TNFRSF11A: variants seen among roughly 807,000 people sequenced by gnomAD.
TNFRSF11A encodes tumor necrosis factor receptor superfamily member 11A.
TNFRSF11A carries 32 observed loss-of-function variants against 55.7 expected under a neutral mutation model. The observed-to-expected ratio is 0.57, with a 90% CI of 0.43 to 0.77. The LOEUF (loss-of-function observed/expected upper bound fraction) is 0.77. Among genes scored for constraint, TNFRSF11A ranks in the 30% least tolerant of loss-of-function variants. The pLI, the probability that TNFRSF11A is intolerant of heterozygous loss-of-function variation, is 0.00. For synonymous variants in TNFRSF11A, 311 were observed against 331.0 expected (o/e 0.94, Z 0.65); for missense variants, 753 against 809.8 (o/e 0.93, Z 0.85).
chr18:62,333,823 G>A (rs1202950465), intron 1 of TNFRSF11A, among the ~76,000 whole-genome samples: 2 of 152,052 alleles, frequency 1.3e-5, no homozygotes, highest in Non-Finnish European at 1.5e-5. Flanking sequence ...ATTTGTGGGG[G>A]TCTGTCTTGT....
chr18:62,385,161 T>C lies in TNFRSF11A; in HGVS notation c.*127T>C. 2 of 1,122,844 alleles carry C rather than the reference T, an allele frequency of 1.8e-6. No homozygotes were observed. Among genetic ancestry groups the C allele is most frequent in the Non-Finnish European group, 2.3e-6 (2 of 857,052 alleles). 69.6% of individuals were successfully genotyped at this position (1,122,844 alleles called of 1,614,324 possible). A position where few individuals can be genotyped will look rare whatever the true frequency, so the allele number is the denominator to read the frequency against. On this transcript the variant is annotated 3_prime_UTR_variant, in exon 10 of 10. Coordinates refer to ENST00000586569, the MANE Select transcript of TNFRSF11A (RefSeq NM_003839.4). ...AGTCGAGGAAGACCACCCGGCATTC[T>C]CTGCCCACTTTGCCTTCCAGGAAAT...
chr18:62,372,586 T>A (rs1172708964), intron 9 of TNFRSF11A, among the ~76,000 whole-genome samples: 1 of 152,144 alleles, frequency 6.6e-6, no homozygotes, highest in East Asian at 1.9e-4. Flanking sequence ...TGTATGATGC[T>A]GAGTTTTGGG....
intron 9 of TNFRSF11A, among the ~76,000 whole-genome samples, chr18:62,381,504 A>G (rs1368753216): frequency 1.3e-5 from 2 of 152,274 alleles, no homozygotes; most frequent in African/African-American, 4.8e-5. Context: ...ATTCAAAACC[A>G]TAAATCCATC....
rs1911454667 is a variant in TNFRSF11A at position 62,383,716 on chromosome 18, G to A, written c.1568-1035G>A. Among the ~76,000 whole-genome samples, 1 of 152,116 alleles carries A rather than the reference G, an allele frequency of 6.6e-6. No homozygotes were observed. Among genetic ancestry groups the A allele is most frequent in the Non-Finnish European group, 1.5e-5 (1 of 68,028 alleles). ...TCAAAAGGCCCGTTGCTGAAAGACT[G>A]GCCACATCTAGTCACCCACAAAGCA... On this transcript the variant is annotated intron_variant, in intron 9 of 9. Transcript: ENST00000586569. This position sits in a 1 kb window ranked among gnomAD's most constrained non-coding sequence, Gnocchi z 4.2.
At chr18:62,380,917 C>T (rs1282620957) in intron 9 of TNFRSF11A, among the ~76,000 whole-genome samples, 1 of 151,984 alleles carries the variant, frequency 6.6e-6, no homozygotes, top group Non-Finnish European at 1.5e-5. Flanking sequence ...ATCCTCCCAC[C>T]TCAGCCTCCC....
In TNFRSF11A at chr18:62,354,301, T is replaced by C. The variant is rs888873040; in HGVS notation, c.284-90T>C. On this transcript the variant is annotated intron_variant, in intron 3 of 9. Coordinates refer to ENST00000586569, the MANE Select transcript of TNFRSF11A (RefSeq NM_003839.4). The stretch of plus-strand genomic sequence containing the variant: ...AGGCCTGCCAGGCGGGCTGCTGCTC[T>C]GGGCTGGATGTTGGATAGCGCAGTC... 1.7e-5 allele frequency: 25 copies of C among 1,436,986 alleles called. No homozygotes were observed. In the South Asian group the frequency reaches 3.0e-4, roughly 17 times the overall value. 89.0% of individuals were successfully genotyped at this position (1,436,986 alleles called of 1,614,324 possible).
At chr18:62,371,856 A>G (rs972567665) in intron 9 of TNFRSF11A, among the ~76,000 whole-genome samples, 1 of 152,238 alleles carries the variant, frequency 6.6e-6, no homozygotes, top group South Asian at 2.1e-4. Flanking sequence ...GAGCAGTCCT[A>G]CAGAGGCCTT....
At chr18:62,339,403 A>G (rs2046280265) in intron 1 of TNFRSF11A, among the ~76,000 whole-genome samples, 1 of 152,124 alleles carries the variant, frequency 6.6e-6, no homozygotes, top group South Asian at 2.1e-4. Flanking sequence ...TTCCCTGCCC[A>G]TTCAAAGCCA....
At chr18:62,333,862 T>G (rs2046191292) in intron 1 of TNFRSF11A, among the ~76,000 whole-genome samples, 1 of 130,114 alleles carries the variant, frequency 7.7e-6, no homozygotes, top group Admixed American at 7.9e-5. Context: ...ACTGAGGGCT[T>G]TCTAGAACTT....
At position 62,368,689 on chromosome 18, in the gene TNFRSF11A, G is replaced by A. The variant is rs1910276955; in HGVS notation, c.784-12G>A. 2 of 1,614,208 alleles carry A rather than the reference G, an allele frequency of 1.2e-6. No homozygotes were observed. The highest frequency in any genetic ancestry group is 2.2e-5 in the East Asian group (1 of 44,894). ...GTATTAATGCCTCTGCCTTCTGAAT[G>A]TAAATCGGCAGGAGTCCTCAGGTGA... On this transcript the variant is annotated splice_polypyrimidine_tract_variant and intron_variant, in intron 8 of 9. Coordinates refer to ENST00000586569, the MANE Select transcript of TNFRSF11A (RefSeq NM_003839.4).
chr18:62,340,775 A>T (rs919531181), intron 1 of TNFRSF11A, among the ~76,000 whole-genome samples: 2 of 152,100 alleles, frequency 1.3e-5, no homozygotes, highest in Non-Finnish European at 2.9e-5. Flanking sequence ...ATAACTTAGG[A>T]CCTCCAAGTT....
Position 62,390,684 on chromosome 18 carries a change from G to C in TNFRSF11A, c.*5650G>C, listed in dbSNP as rs1205991395. ...CTTAGAGACTGTCTCCATTTAAGCAGCAGCAGTAAAACATCTTACCCTAAA... is the reference window on the plus strand; with the variant it reads ...CTTAGAGACTGTCTCCATTTAAGCACCAGCAGTAAAACATCTTACCCTAAA... On this transcript the variant is annotated 3_prime_UTR_variant, in exon 10 of 10. Transcript: ENST00000586569. 7.2e-5 allele frequency: 11 copies of C among 152,198 alleles called. No individual in the cohort carries two copies. Among genetic ancestry groups the C allele is most frequent in the Admixed American group, 5.9e-4 (9 of 15,286 alleles). 9.4% of individuals were successfully genotyped at this position (152,198 alleles called of 1,614,324 possible).
At chr18:62,345,424 A>G (rs1191433379) in intron 1 of TNFRSF11A, among the ~76,000 whole-genome samples, 1 of 152,174 alleles carries the variant, frequency 6.6e-6, no homozygotes, top group Non-Finnish European at 1.5e-5. Flanking sequence ...GTTTGAAGGT[A>G]TACTTCAAAG....
intron 7 of TNFRSF11A, among the ~76,000 whole-genome samples, chr18:62,366,461 G>A (rs892513429): frequency 1.3e-5 from 2 of 152,166 alleles, no homozygotes; most frequent in Non-Finnish European, 2.9e-5. Flanking sequence ...AGTTAATCAT[G>A]TTGTATCATA....
intron 9 of TNFRSF11A, among the ~76,000 whole-genome samples, chr18:62,371,606 G>A (rs962583472): frequency 2.6e-5 from 4 of 152,156 alleles, no homozygotes; most frequent in East Asian, 1.9e-4. Context: ...CAAAACATCC[G>A]TAGAGAGTCT....
Position 62,369,098 on chromosome 18 carries a change from A to G in TNFRSF11A, c.1181A>G (p.Gln394Arg). The G allele has an allele frequency of 6.2e-7, 1 of 1,614,094 alleles. No individual in the cohort carries two copies. Among genetic ancestry groups the G allele is most frequent in the Non-Finnish European group, 8.5e-7 (1 of 1,180,044 alleles). Residue 394 changes from glutamine (Q) to arginine (R), a missense_variant, in exon 9 of 10, where the codon CAG (glutamine) becomes CGG (arginine). By Grantham distance (43) the Gln-to-Arg change is conservative. Coordinates refer to ENST00000586569, the MANE Select transcript of TNFRSF11A (RefSeq NM_003839.4). ...DSLSQCFTGTQSTVGSESCNC... is the reference protein window; with the variant it reads ...DSLSQCFTGTRSTVGSESCNC... ...TTAAGCCAGTGCTTCACGGGGACAC[A>G]GAGCACAGTGGGTTCAGAAAGCTGC...
intron 5 of TNFRSF11A, among the ~76,000 whole-genome samples, chr18:62,358,754 A>G (rs1387666323): frequency 3.9e-5 from 6 of 152,180 alleles, no homozygotes; most frequent in Non-Finnish European, 2.9e-5. Flanking sequence ...CATGCTGTCA[A>G]CATCGTGGGG....
At position 62,383,318 on chromosome 18, in the gene TNFRSF11A, G is replaced by C. The variant is rs562208074; in HGVS notation, c.1568-1433G>C. ...CTCTAGAGGTTACCCAGTGGGTCAG[G>C]GGAAGGCTCCTCAAAGGAATTTCCT... On this transcript the variant is annotated intron_variant, in intron 9 of 9. Coordinates refer to ENST00000586569, the MANE Select transcript of TNFRSF11A (RefSeq NM_003839.4). This position sits in a 1 kb window ranked among gnomAD's most constrained non-coding sequence, Gnocchi z 4.2. Among the ~76,000 whole-genome samples, 8 of 152,286 alleles carry C rather than the reference G, an allele frequency of 5.3e-5. No homozygotes were observed. Among genetic ancestry groups the C allele is most frequent in the Non-Finnish European group, 1.0e-4 (7 of 68,026 alleles).
At chr18:62,331,863 A>G (rs189350671) in intron 1 of TNFRSF11A, among the ~76,000 whole-genome samples, 2 of 151,920 alleles carry the variant, frequency 1.3e-5, no homozygotes, top group Admixed American at 6.6e-5. Context: ...ACTTCCCCAT[A>G]CCCCCAAAAA....
Sources: gnomAD v4.1 joint callset for allele counts (sites outside exome capture counted in the v4.1 genomes callset) on GRCh38, gnomAD v4.1.1 for gene constraint, Gnocchi (gnomAD v3.1) non-coding constraint, MANE v1.5 for transcripts, NCBI Gene and HGNC (gene_info 2026-07-23, HGNC 2026-07-21) for gene names.